Variants in PARN observed in about 807,000 individuals in gnomAD.
The protein encoded by PARN is poly(A)-specific ribonuclease.
A neutral mutation model predicts 102.8 loss-of-function variants in PARN; 71 were observed. That is an observed-to-expected ratio of 0.69 (90% CI 0.57 to 0.84). The LOEUF is 0.84. PARN is among the 40% of genes least tolerant of loss of function. The pLI, the probability that PARN is intolerant of heterozygous loss-of-function variation, is 0.00. For synonymous variants in PARN, 261 were observed against 252.9 expected (o/e 1.03, Z -0.30); for missense variants, 782 against 760.9 (o/e 1.03, Z -0.33).
intron 21 of PARN, among the ~76,000 whole-genome samples, chr16:14,492,391 C>A (rs1428783248): frequency 6.6e-6 from 1 of 152,162 alleles, no homozygotes; most frequent in Non-Finnish European, 1.5e-5. Context: ...TGCAGAGGAA[C>A]CTGGGAGAGC....
intron 23 of PARN, among the ~76,000 whole-genome samples, chr16:14,439,373 C>T (rs62036311): frequency 1.1e-4 from 3 of 28,298 alleles, no homozygotes; most frequent in Non-Finnish European, 2.1e-4. Context: ...GAAACTGTCG[C>T]ACAAAAAAAA....
rs1399368560 is a variant in PARN at position 14,599,962 on chromosome 16, TA to T, written c.784-3del. ...TCCCACAGCATCATTCAGCTCCTCC[TA>T]ATTAAAAAAATATATACATATGTAT... On this transcript the variant is annotated splice_region_variant and splice_polypyrimidine_tract_variant and intron_variant, in intron 11 of 23. Transcript: ENST00000437198. 1 of 1,559,154 alleles carries T rather than the reference TA, an allele frequency of 6.4e-7. No homozygotes were observed. Among genetic ancestry groups the T allele is most frequent in the Admixed American group, 1.8e-5 (1 of 56,700 alleles).
intron 21 of PARN, among the ~76,000 whole-genome samples, chr16:14,489,008 C>T (rs1180456201): frequency 1.3e-5 from 2 of 152,124 alleles, no homozygotes; most frequent in Non-Finnish European, 2.9e-5. Context: ...GAGTGAACTA[C>T]AGCTACGCAG....
chr16:14,525,889 G>A (rs946961010), intron 21 of PARN, among the ~76,000 whole-genome samples: 2 of 152,072 alleles, frequency 1.3e-5, no homozygotes, highest in African/African-American at 4.8e-5. Context: ...TGCGATCCTG[G>A]CTCACTGCAA....
chr16:14,474,788 G>A (rs1412347398), intron 22 of PARN, among the ~76,000 whole-genome samples: 2 of 152,164 alleles, frequency 1.3e-5, no homozygotes, highest in Admixed American at 1.3e-4. Context: ...TGTCTCTAAG[G>A]ATTTTTCAGT....
chr16:14,446,675 GGA>G (rs1961212683), intron 23 of PARN, among the ~76,000 whole-genome samples: 1 of 152,098 alleles, frequency 6.6e-6, no homozygotes, highest in African/African-American at 2.4e-5. Flanking sequence ...TCTTTAACAA[GGA>G]GACCCCCCAG....
chr16:14,467,080 G>A (rs1021348318), intron 22 of PARN, among the ~76,000 whole-genome samples: 1 of 152,170 alleles, frequency 6.6e-6, no homozygotes, highest in Non-Finnish European at 1.5e-5. Flanking sequence ...GAAATAAGAG[G>A]AAGCCATCAA....
At chr16:14,513,194 G>T (rs1212658566) in intron 21 of PARN, among the ~76,000 whole-genome samples, 1 of 152,014 alleles carries the variant, frequency 6.6e-6, no homozygotes, top group Non-Finnish European at 1.5e-5. Flanking sequence ...CAAAGTGCTG[G>T]GATTACAGGC....
chr16:14,537,041 C>T (rs540847802), intron 21 of PARN, among the ~76,000 whole-genome samples: 7 of 152,076 alleles, frequency 4.6e-5, no homozygotes, highest in African/African-American at 1.4e-4. Flanking sequence ...TGCAAACTAT[C>T]CAAAAAGGGA....
At chr16:14,544,417 A>C (rs963600823) in intron 21 of PARN, among the ~76,000 whole-genome samples, 1 of 152,072 alleles carries the variant, frequency 6.6e-6, no homozygotes. Context: ...TCTACTAAAA[A>C]TACAAAAATT....
At chr16:14,593,447 G>A (rs949187402) in intron 12 of PARN, 69 bp from the exon 13 acceptor site, 13 of 409,342 alleles carry the variant, frequency 3.2e-5, no homozygotes, top group East Asian at 8.1e-5. Context: ...AGAATGTATA[G>A]TTCAGATTCC....
chr16:14,569,223 A>C (rs1048625100), intron 18 of PARN, among the ~76,000 whole-genome samples: 1 of 151,862 alleles, frequency 6.6e-6, no homozygotes, highest in Non-Finnish European at 1.5e-5. Context: ...ATATATACAA[A>C]TTTAAAAAAA....
At chr16:14,588,676 G>A (rs930309054) in intron 13 of PARN, among the ~76,000 whole-genome samples, 1 of 152,022 alleles carries the variant, frequency 6.6e-6, no homozygotes, top group Non-Finnish European at 1.5e-5. Context: ...CCGGAAGTTC[G>A]AGACCAGCCT....
At chr16:14,610,174 A>G (rs1210546831) in intron 7 of PARN, among the ~76,000 whole-genome samples, 1 of 152,210 alleles carries the variant, frequency 6.6e-6, no homozygotes, top group East Asian at 1.9e-4. Flanking sequence ...TTGCTGTTAC[A>G]CTAATTTGAA....
intron 22 of PARN, among the ~76,000 whole-genome samples, chr16:14,472,604 G>A (rs1962812032): frequency 6.6e-6 from 1 of 152,212 alleles, no homozygotes; most frequent in Non-Finnish European, 1.5e-5. Context: ...TTTGCTGCTA[G>A]AACATGAAGG....
chr16:14,493,116 T>A (rs1022469431), intron 21 of PARN, among the ~76,000 whole-genome samples: 4 of 152,258 alleles, frequency 2.6e-5, no homozygotes, highest in African/African-American at 4.8e-5. Flanking sequence ...AAGTCTGAAC[T>A]ATAAATTTCA....
At chr16:14,520,963 C>G (rs1965703193) in intron 21 of PARN, among the ~76,000 whole-genome samples, 1 of 152,168 alleles carries the variant, frequency 6.6e-6, no homozygotes, top group Non-Finnish European at 1.5e-5. Context: ...GCAACAGGTT[C>G]TCCCTCAGAG....
At chr16:14,503,490 C>T (rs944614157) in intron 21 of PARN, among the ~76,000 whole-genome samples, 3 of 152,168 alleles carry the variant, frequency 2.0e-5, no homozygotes, top group Non-Finnish European at 2.9e-5. Context: ...AAATAAATTT[C>T]CTGTTTGAAA....
chr16:14,588,518 G>A (rs553753446), intron 13 of PARN, among the ~76,000 whole-genome samples: 32 of 152,182 alleles, frequency 2.1e-4, no homozygotes, highest in Non-Finnish European at 4.0e-4. Context: ...TTCAGTATTC[G>A]AAACACCTAG....
Sources: allele counts gnomAD v4.1 joint callset (sites outside exome capture counted in the v4.1 genomes callset), GRCh38; gene constraint gnomAD v4.1.1; transcripts MANE v1.5; gene names NCBI Gene and HGNC (gene_info 2026-07-23, HGNC 2026-07-21).